The following DIAPH3 variants were observed in gnomAD, a reference collection of about 807,000 sequenced individuals.
DIAPH3 encodes protein diaphanous homolog 3.
Under a neutral mutation model 144.3 loss-of-function variants are expected in DIAPH3, and 117 were observed. That is an observed-to-expected ratio of 0.81 (90% CI 0.70 to 0.95). The LOEUF (loss-of-function observed/expected upper bound fraction) is 0.95, where lower values mean the gene tolerates loss of function less well. DIAPH3 is among the 40% of genes least tolerant of loss of function. DIAPH3 has a pLI of 0.00. For missense variants in DIAPH3, 1,421 were observed against 1,412.7 expected (o/e 1.01, Z -0.09); for synonymous variants, 519 against 488.9 (o/e 1.06, Z -0.81).
intron 25 of DIAPH3, among the ~76,000 whole-genome samples, chr13:59,776,296 T>C (rs2038408478): frequency 6.6e-6 from 1 of 152,140 alleles, no homozygotes. Flanking sequence ...GTAGGTGTTA[T>C]CAAAAAAGGT....
intron 17 of DIAPH3, among the ~76,000 whole-genome samples, chr13:59,956,552 A>G (rs2322623): frequency 0.64 from 97,313 of 152,188 alleles, 32,033 homozygotes; most frequent in African/African-American, 0.74. Flanking sequence ...AGGCAGAGGC[A>G]TGCTGCAGGG....
Position 60,120,732 on chromosome 13 carries a change from C to T in DIAPH3, c.214-8546G>A, listed in dbSNP as rs369211648. ...GCACAGGGAAGAACCGAGGCCTCCCCGCACCAATTAGCACCCACTTGCCAG... is the reference window on the plus strand; with the variant it reads ...GCACAGGGAAGAACCGAGGCCTCCCTGCACCAATTAGCACCCACTTGCCAG... On this transcript the variant is annotated intron_variant, in intron 2 of 27. Coordinates refer to ENST00000400324, the MANE Select transcript of DIAPH3 (RefSeq NM_001042517.2). Among the ~76,000 whole-genome samples the T allele has an allele frequency of 7.2e-5, 11 of 152,226 alleles. No homozygotes were observed. In the South Asian group the frequency reaches 1.9e-3, roughly 26 times the overall value.
At chr13:59,851,057 G>T (rs1010273193) in intron 22 of DIAPH3, among the ~76,000 whole-genome samples, 2 of 149,830 alleles carry the variant, frequency 1.3e-5, no homozygotes, top group Non-Finnish European at 3.0e-5. Flanking sequence ...ACCAAAGCCG[G>T]GCAGAGACAC....
chr13:59,976,932 C>T (rs973294065), intron 14 of DIAPH3, among the ~76,000 whole-genome samples: 1 of 151,732 alleles, frequency 6.6e-6, no homozygotes, highest in African/African-American at 2.4e-5. Context: ...TTGAATGTTG[C>T]TATTCTTTGT....
At chr13:59,692,917 T>A (rs1310564312) in intron 27 of DIAPH3, among the ~76,000 whole-genome samples, 1 of 152,190 alleles carries the variant, frequency 6.6e-6, no homozygotes, top group East Asian at 1.9e-4. Context: ...AGAGCTTACA[T>A]TCTATTGGCA....
intron 24 of DIAPH3, among the ~76,000 whole-genome samples, chr13:59,823,485 T>C (rs2041190622): frequency 2.0e-5 from 3 of 152,166 alleles, no homozygotes; most frequent in African/African-American, 7.2e-5. Context: ...AAGACATAAG[T>C]CTTATGTGAA....
intron 17 of DIAPH3, among the ~76,000 whole-genome samples, chr13:59,962,634 C>G (rs1467615761): frequency 1.3e-5 from 2 of 152,098 alleles, no homozygotes; most frequent in Non-Finnish European, 2.9e-5. Context: ...GAGCTCCTTC[C>G]TGGCTAGACT....
intron 12 of DIAPH3, among the ~76,000 whole-genome samples, chr13:59,987,276 G>A (rs1428026695): frequency 6.7e-6 from 1 of 150,342 alleles, no homozygotes; most frequent in Non-Finnish European, 1.5e-5. Flanking sequence ...ACTGAACAAT[G>A]AGATCACATG....
At chr13:59,846,347 G>C (rs1251945497) in intron 22 of DIAPH3, among the ~76,000 whole-genome samples, 1 of 151,866 alleles carries the variant, frequency 6.6e-6, no homozygotes, top group Non-Finnish European at 1.5e-5. Context: ...TACAATCCAG[G>C]GAAATTGATT....
intron 1 of DIAPH3, among the ~76,000 whole-genome samples, chr13:60,163,375 C>A (rs957860719): frequency 1.3e-5 from 2 of 152,196 alleles, no homozygotes; most frequent in Non-Finnish European, 2.9e-5. Context: ...CTTTTCACAT[C>A]AGCGTTAAGA....
intron 4 of DIAPH3, among the ~76,000 whole-genome samples, chr13:60,081,126 C>A (rs768231757): frequency 2.0e-5 from 3 of 151,828 alleles, no homozygotes; most frequent in Admixed American, 6.6e-5. Flanking sequence ...CATATACAAG[C>A]AGATGAGACC....
intron 3 of DIAPH3, among the ~76,000 whole-genome samples, chr13:60,103,863 G>A (rs919700798): frequency 6.6e-6 from 1 of 152,052 alleles, no homozygotes; most frequent in Non-Finnish European, 1.5e-5. Flanking sequence ...GTGTAATTCT[G>A]TTCTTAACTA....
chr13:59,737,315 C>T (rs957705201), intron 27 of DIAPH3, among the ~76,000 whole-genome samples: 2 of 151,770 alleles, frequency 1.3e-5, no homozygotes, highest in Admixed American at 6.6e-5. Flanking sequence ...AAATAAACAA[C>T]GCCATTAAAA....
At chr13:59,885,448 T>A (rs929151202) in intron 20 of DIAPH3, among the ~76,000 whole-genome samples, 81 of 93,032 alleles carry the variant, frequency 8.7e-4, no homozygotes, top group South Asian at 1.5e-3. Flanking sequence ...CTTCTTTCAC[T>A]AAAAAAAAAA....
chr13:59,951,331 C>T (rs2049085723), intron 17 of DIAPH3, among the ~76,000 whole-genome samples: 1 of 152,072 alleles, frequency 6.6e-6, no homozygotes, highest in South Asian at 2.1e-4. Flanking sequence ...TGTTTGCTTC[C>T]CCTTCTGCTA....
At chr13:60,133,939 C>T (rs2138244681) in intron 1 of DIAPH3, among the ~76,000 whole-genome samples, 1 of 152,248 alleles carries the variant, frequency 6.6e-6, no homozygotes, top group South Asian at 2.1e-4. Flanking sequence ...CTAAGTGGTA[C>T]ACAGTTAAAT....
chr13:59,717,114 C>T (rs891155555), intron 27 of DIAPH3, among the ~76,000 whole-genome samples: 3 of 152,082 alleles, frequency 2.0e-5, no homozygotes, highest in African/African-American at 7.2e-5. Context: ...ATCTGCAATG[C>T]AGCAGTCCAG....
At chr13:59,889,578 C>T (rs1263618583) in intron 20 of DIAPH3, among the ~76,000 whole-genome samples, 1 of 151,910 alleles carries the variant, frequency 6.6e-6, no homozygotes, top group Non-Finnish European at 1.5e-5. Context: ...TTTGTCTTTG[C>T]AAGTGAAATC....
chr13:60,163,536 G>A, intron 1 of DIAPH3, 51 bp downstream of exon 1: 2 of 1,583,910 alleles, frequency 1.3e-6, no homozygotes, highest in Non-Finnish European at 1.7e-6. Flanking sequence ...TCGGCAGTCA[G>A]CCCTACGGCG....
Sources: allele counts gnomAD v4.1 joint callset (sites outside exome capture counted in the v4.1 genomes callset), GRCh38; gene constraint gnomAD v4.1.1; transcripts MANE v1.5; gene names NCBI Gene and HGNC (gene_info 2026-07-23, HGNC 2026-07-21).